The following PSG6 variants were observed in gnomAD, a reference collection of about 807,000 sequenced individuals.
PSG6 encodes the protein pregnancy-specific beta-1-glycoprotein 6.
PSG6 carries 51 observed loss-of-function variants against 43.3 expected under a neutral mutation model. The ratio of observed to expected loss-of-function variants is 1.18; its 90% CI spans 0.94 to 1.49. PSG6 has a LOEUF of 1.49. PSG6 is among the 40% of genes most tolerant of loss of function. The pLI, the probability that PSG6 is intolerant of heterozygous loss-of-function variation, is 0.00. For missense variants in PSG6, 770 were observed against 522.2 expected, an observed-to-expected ratio of 1.47 and a Z score of -4.62; for synonymous variants, 292 against 197.6, an observed-to-expected ratio of 1.48 and a Z score of -4.01.
chr19:42,916,494 G>A lies in PSG6; in HGVS notation c.65-7C>T. 1 of 1,605,992 alleles carries A rather than the reference G, an allele frequency of 6.2e-7. No homozygotes were observed. ...CAGAAGTTTAAAAGTGATGCTAGGA[G>A]GTAGAGACAGCATCAGTTAATATTT... On this transcript the variant is annotated splice_polypyrimidine_tract_variant and splice_region_variant and intron_variant, in intron 1 of 5. Transcript: ENST00000187910.
intron 2 of PSG6, among the ~76,000 whole-genome samples, chr19:42,913,938 C>T (rs1217910712): frequency 6.6e-6 from 1 of 151,742 alleles, no homozygotes; most frequent in Non-Finnish European, 1.5e-5. Context: ...ACTGGGGAGG[C>T]TGATTTGAGT....
intron 5 of PSG6, among the ~76,000 whole-genome samples, chr19:42,905,543 A>G (rs1253735949): frequency 6.6e-6 from 1 of 151,706 alleles, no homozygotes; most frequent in Non-Finnish European, 1.5e-5. Flanking sequence ...ACAATAAATT[A>G]CCATTTGATC....
At chr19:42,908,240 C>A (rs1972156209) in intron 3 of PSG6, among the ~76,000 whole-genome samples, 1 of 151,582 alleles carries the variant, frequency 6.6e-6, no homozygotes, top group South Asian at 2.1e-4. Flanking sequence ...ACTTTGCCCC[C>A]CTAGATGTGA....
At chr19:42,914,434 G>T (rs1972284543) in intron 2 of PSG6, among the ~76,000 whole-genome samples, 1 of 149,106 alleles carries the variant, frequency 6.7e-6, no homozygotes, top group Non-Finnish European at 1.5e-5. Flanking sequence ...GGGACACAGA[G>T]AAGCAGAGAG....
intron 3 of PSG6, among the ~76,000 whole-genome samples, chr19:42,908,781 A>G (rs1386788726): frequency 6.6e-6 from 1 of 151,626 alleles, no homozygotes; most frequent in Non-Finnish European, 1.5e-5. Context: ...TTTTGCAAAT[A>G]TTTTCTTTCA....
rs995986255 is a variant in PSG6 at position 42,910,870 on chromosome 19, A to T, written c.428-12T>A. On this transcript the variant is annotated splice_polypyrimidine_tract_variant and intron_variant, in intron 2 of 5. Transcript: ENST00000187910. ...CTTGGGAGTCTCCGCTGTGCAGAAAACAGAGAGAAGATTGCCCTGTGTGGC... is the reference window on the plus strand; with the variant it reads ...CTTGGGAGTCTCCGCTGTGCAGAAATCAGAGAGAAGATTGCCCTGTGTGGC... 2.5e-6 allele frequency: 4 copies of T among 1,597,294 alleles called. No individual in the cohort carries two copies. In the African/African-American group the frequency reaches 5.4e-5, roughly 22 times the overall value.
At chr19:42,913,454 G>A (rs1972266132) in intron 2 of PSG6, among the ~76,000 whole-genome samples, 1 of 151,738 alleles carries the variant, frequency 6.6e-6, no homozygotes, top group Admixed American at 6.6e-5. Context: ...CATCTCTGAA[G>A]GATTTTAATG....
intron 3 of PSG6, among the ~76,000 whole-genome samples, chr19:42,909,497 A>T (rs377618645): frequency 6.6e-6 from 1 of 151,602 alleles, no homozygotes; most frequent in African/African-American, 2.4e-5. Flanking sequence ...CTGCAACTCA[A>T]TTGGGTAGTA....
chr19:42,913,374 T>A (rs1419759576), intron 2 of PSG6, among the ~76,000 whole-genome samples: 1 of 151,654 alleles, frequency 6.6e-6, no homozygotes, highest in Non-Finnish European at 1.5e-5. Context: ...ATGGTCTCTA[T>A]CTCCTGACCT....
intron 1 of PSG6, 38 bp downstream of exon 1, chr19:42,917,691 T>G (rs1972364322): frequency 1.2e-6 from 2 of 1,605,264 alleles, no homozygotes; most frequent in African/African-American, 2.7e-5. Context: ...TCACTCTGCT[T>G]CCTCCTCCTG....
intron 2 of PSG6, among the ~76,000 whole-genome samples, chr19:42,914,748 A>G (rs1384317204): frequency 6.6e-6 from 1 of 151,440 alleles, no homozygotes; most frequent in Admixed American, 6.6e-5. Flanking sequence ...CCATTCCTTC[A>G]TTTGTTATGT....
Position 42,907,783 on chromosome 19 carries a change from T to G in PSG6, c.778A>C (p.Thr260Pro). 6.2e-7 allele frequency: 1 copy of G among 1,611,132 alleles called. No homozygotes were observed. The highest frequency in any genetic ancestry group is 8.5e-7 in the Non-Finnish European group (1 of 1,179,082). ...TAGTTCCGACTCTTAGGTTCACAGG[T>G]GAAGGCTAACACATCCTTCTTCTCC... ...PREKKDVLAF[T>P]CEPKSRNYTY... The change falls in exon 4 of 6, where the codon ACC becomes CCC. Residue 260 changes from threonine to proline, a missense_variant. By Grantham distance (38) the Thr-to-Pro change is conservative (BLOSUM62 -1). Transcript: ENST00000187910.
In PSG6 at chr19:42,910,770, A is replaced by T. The variant is rs775128657; in HGVS notation, c.516T>A (p.Thr172=). The T allele has an allele frequency of 5.6e-6, 9 of 1,612,344 alleles. No individual in the cohort carries two copies. Among genetic ancestry groups the T allele is most frequent in the Non-Finnish European group, 6.8e-6 (8 of 1,179,244 alleles). The stretch of plus-strand genomic sequence containing the variant: ...GCAACCACAGGTAGCTTGCATCCGG[A>T]GTCTCAGGATCACAGATTAAGCGCA... The part of the protein sequence containing the change: ...EAVRLICDPE[T]PDASYLWLLN... Residue 172 remains threonine, a synonymous_variant, in exon 3 of 6, where the codon ACT becomes ACA. Coordinates refer to ENST00000187910, the MANE Select transcript of PSG6 (RefSeq NM_001031850.4).
chr19:42,914,151 C>G (rs1220610337), intron 2 of PSG6, among the ~76,000 whole-genome samples: 3 of 151,510 alleles, frequency 2.0e-5, no homozygotes, highest in Admixed American at 6.6e-5. Flanking sequence ...GTCAGCCTCA[C>G]AAAGGGAAAG....
rs1972173595 is a variant in PSG6, at chr19:42,909,196, T to C, written c.707-1342A>G. Among the ~76,000 whole-genome samples the C allele has an allele frequency of 1.3e-5, 2 of 151,682 alleles. 1 individual carries two copies. The highest frequency in any genetic ancestry group is 4.2e-4 in the South Asian group (2 of 4,732). ...AAAGTGGGAGGTGATAAGCCAGATA[T>C]ATTCTTGCCCTTTTTTTTCTCTCAC... On this transcript the variant is annotated intron_variant, in intron 3 of 5. Transcript: ENST00000187910.
At chr19:42,907,977 G>A (rs1256142496) in intron 3 of PSG6, 123 bp from the exon 4 acceptor site, 3 of 1,399,430 alleles carry the variant, frequency 2.1e-6, no homozygotes, top group South Asian at 2.7e-5. Flanking sequence ...AGTAGCTGGT[G>A]CATGTGTCAC....
chr19:42,907,133 G>A lies in PSG6; in HGVS notation c.1029C>T (p.Tyr343=). The change falls in exon 5 of 6, where the codon TAC becomes TAT. Residue 343 remains tyrosine, a synonymous_variant. Transcript: ENST00000187910. The part of the protein sequence containing the change: ...LPRIYPSFTY[Y]RSGENLDLSC... ...ACAAGTCGAGGTTTTCTCCTGAACG[G>A]TAATAGGTGAATGAAGGGTAAATTC... 6.2e-7 allele frequency: 1 copy of A among 1,612,728 alleles called. No homozygotes were observed. Among genetic ancestry groups the A allele is most frequent in the Non-Finnish European group, 8.5e-7 (1 of 1,179,238 alleles).
chr19:42,907,234 G>A (rs1972132023), intron 4 of PSG6, 58 bp from the exon 5 acceptor site: 8 of 1,581,208 alleles, frequency 5.1e-6, no homozygotes, highest in Non-Finnish European at 6.9e-6. Flanking sequence ...GGATGCTCCT[G>A]GTCTCTTAAA....
intron 5 of PSG6, among the ~76,000 whole-genome samples, chr19:42,906,081 C>T (rs1972106764): frequency 6.6e-6 from 1 of 151,490 alleles, no homozygotes; most frequent in Admixed American, 6.6e-5. Flanking sequence ...TGGTCTTGCC[C>T]TCTCTATAAT....
Sources: allele counts gnomAD v4.1 joint callset (sites outside exome capture counted in the v4.1 genomes callset), GRCh38; gene constraint gnomAD v4.1.1; transcripts MANE v1.5; gene names NCBI Gene and HGNC (gene_info 2026-07-23, HGNC 2026-07-21).